The following CDH13 variants were observed in gnomAD, a reference collection of about 807,000 sequenced individuals.
CDH13 encodes cadherin 13, also known as cadherin-13.
A neutral mutation model predicts 63.8 loss-of-function variants in CDH13; 24 were observed. That is an observed-to-expected ratio of 0.38 (90% CI 0.27 to 0.53). The LOEUF (loss-of-function observed/expected upper bound fraction) is 0.53, where lower values mean the gene tolerates loss of function less well. Ranked by LOEUF, CDH13 falls within the 20% of genes least tolerant of loss-of-function variation. CDH13 has a pLI of 0.85. For missense variants in CDH13, 1,049 were observed against 903.1 expected (o/e 1.16, Z -2.07); for synonymous variants, 503 against 355.3 (o/e 1.42, Z -4.67).
chr16:83,220,242 A>T (rs900782857), intron 5 of CDH13, among the ~76,000 whole-genome samples: 3 of 152,238 alleles, frequency 2.0e-5, no homozygotes, highest in Non-Finnish European at 2.9e-5. Flanking sequence ...AGTTTGAGGA[A>T]GAGCCCCGAT....
chr16:83,652,883 C>G (rs1215030865), intron 8 of CDH13, among the ~76,000 whole-genome samples: 1 of 152,144 alleles, frequency 6.6e-6, no homozygotes, highest in Admixed American at 6.6e-5. Context: ...CCCATAGCCA[C>G]TAAGTGGAAA....
chr16:83,525,207 A>G (rs1050543349), intron 7 of CDH13, among the ~76,000 whole-genome samples: 9 of 152,086 alleles, frequency 5.9e-5, no homozygotes, highest in African/African-American at 2.2e-4. Flanking sequence ...AGAATGTAGT[A>G]CTCGGATTGA....
intron 1 of CDH13, among the ~76,000 whole-genome samples, chr16:82,814,775 C>T (rs1314231588): frequency 6.6e-6 from 1 of 152,142 alleles, no homozygotes; most frequent in Non-Finnish European, 1.5e-5. Flanking sequence ...TATAGTGGGT[C>T]AGTCAGAAGC....
intron 1 of CDH13, among the ~76,000 whole-genome samples, chr16:82,739,656 T>G (rs2033844107): frequency 6.6e-6 from 1 of 152,198 alleles, no homozygotes; most frequent in East Asian, 1.9e-4. Flanking sequence ...TAAAATAGTT[T>G]AAATCTTGTT....
At chr16:83,401,712 G>C (rs924140802) in intron 6 of CDH13, among the ~76,000 whole-genome samples, 1 of 152,116 alleles carries the variant, frequency 6.6e-6, no homozygotes. Flanking sequence ...CCAAGGATGC[G>C]TGACTGGTAA....
intron 2 of CDH13, among the ~76,000 whole-genome samples, chr16:83,014,840 T>TATATATATG (rs1567746057): frequency 4.4e-5 from 1 of 22,740 alleles, no homozygotes; most frequent in African/African-American, 2.2e-4. Context: ...GTATATATAT[T>TATATATATG]TGTATATATA....
At chr16:82,798,846 T>C (rs2036712734) in intron 1 of CDH13, among the ~76,000 whole-genome samples, 1 of 152,034 alleles carries the variant, frequency 6.6e-6, no homozygotes, top group African/African-American at 2.4e-5. Context: ...CTGTGTTGAG[T>C]GCTTAAATGG....
intron 7 of CDH13, among the ~76,000 whole-genome samples, chr16:83,505,658 C>T (rs1168021059): frequency 6.6e-6 from 1 of 150,846 alleles, no homozygotes; most frequent in African/African-American, 2.4e-5. Flanking sequence ...ATTCTCCTGC[C>T]TCAGCCTCCG....
intron 4 of CDH13, among the ~76,000 whole-genome samples, chr16:83,142,328 G>GT (rs1488228932): frequency 6.6e-6 from 1 of 151,896 alleles, no homozygotes. Context: ...ACCTGGCTAA[G>GT]TTTTTTATTT....
At chr16:83,060,909 C>T (rs1325046633) in intron 3 of CDH13, among the ~76,000 whole-genome samples, 5 of 152,160 alleles carry the variant, frequency 3.3e-5, no homozygotes, top group Non-Finnish European at 2.9e-5. Context: ...TGATAATAGT[C>T]ATTTTCTCTC....
At chr16:82,672,496 T>C (rs1412307325) in intron 1 of CDH13, among the ~76,000 whole-genome samples, 1 of 152,110 alleles carries the variant, frequency 6.6e-6, no homozygotes, top group African/African-American at 2.4e-5. Flanking sequence ...GATATTAATA[T>C]TCTTGAAATC....
At chr16:83,230,011 A>C (rs968747403) in intron 5 of CDH13, among the ~76,000 whole-genome samples, 1 of 152,164 alleles carries the variant, frequency 6.6e-6, no homozygotes, top group Non-Finnish European at 1.5e-5. Flanking sequence ...GCTCTTTTGA[A>C]ATTGATTGTG....
chr16:83,048,611 A>T (rs556888587), intron 3 of CDH13, among the ~76,000 whole-genome samples: 1 of 151,966 alleles, frequency 6.6e-6, no homozygotes, highest in Non-Finnish European at 1.5e-5. Context: ...CATACCATCC[A>T]TTTCAGTTCC....
At chr16:83,318,854 G>GT (rs2151892644) in intron 5 of CDH13, among the ~76,000 whole-genome samples, 1 of 152,226 alleles carries the variant, frequency 6.6e-6, no homozygotes, top group South Asian at 2.1e-4. Context: ...TATGGGCATA[G>GT]TTGATCGAAT....
chr16:83,092,537 G>A (rs933519454), intron 3 of CDH13, among the ~76,000 whole-genome samples: 2 of 152,130 alleles, frequency 1.3e-5, no homozygotes, highest in Non-Finnish European at 2.9e-5. Flanking sequence ...ATAAAATATT[G>A]CAAATCAATA....
At chr16:82,687,212 A>T (rs140165713) in intron 1 of CDH13, among the ~76,000 whole-genome samples, 2 of 152,170 alleles carry the variant, frequency 1.3e-5, no homozygotes, top group Non-Finnish European at 2.9e-5. Context: ...GCCTGTGAAC[A>T]GTGATGGAAG....
intron 1 of CDH13, among the ~76,000 whole-genome samples, chr16:82,741,442 C>G (rs2033928725): frequency 6.6e-6 from 1 of 152,190 alleles, no homozygotes; most frequent in African/African-American, 2.4e-5. Context: ...CTGTGGTTTA[C>G]AAGCATTTTA....
Position 82,644,327 on chromosome 16 carries a change from C to T in CDH13, c.45+17190C>T, listed in dbSNP as rs1909809181. ...AAATCAAGGCCCCCCGAACTCCTCC[C>T]ACCCCTGCCTTCTGCGTCTCCCTCT... On this transcript the variant is annotated intron_variant, in intron 1 of 13. Transcript: ENST00000567109. This position sits in a 1 kb window ranked among gnomAD's most constrained non-coding sequence, Gnocchi z 5.7. Among the ~76,000 whole-genome samples, 1 of 152,136 alleles carries T rather than the reference C, an allele frequency of 6.6e-6. No individual in the cohort carries two copies. The highest frequency in any genetic ancestry group is 1.5e-5 in the Non-Finnish European group (1 of 68,006).
Position 82,627,072 on chromosome 16 carries a change from G to T in CDH13, c.-21G>T. On this transcript the variant is annotated 5_prime_UTR_variant, in exon 1 of 14. Transcript: ENST00000567109. ...CGCGTGCATGAATGAAAACGCCGCC[G>T]GGCGCTTCTAGTCGGACAAAATGCA... The T allele has an allele frequency of 1.3e-6, 2 of 1,590,288 alleles. No individual in the cohort carries two copies. The highest frequency in any genetic ancestry group is 1.1e-5 in the South Asian group (1 of 87,080).
Sources: gnomAD v4.1 joint callset for allele counts (sites outside exome capture counted in the v4.1 genomes callset) on GRCh38, gnomAD v4.1.1 for gene constraint, Gnocchi (gnomAD v3.1) non-coding constraint, MANE v1.5 for transcripts, NCBI Gene and HGNC (gene_info 2026-07-23, HGNC 2026-07-21) for gene names.